Variants in VPS35L observed in about 807,000 individuals in gnomAD.
The protein encoded by VPS35L is VPS35 endosomal protein-sorting factor-like.
In VPS35L, 83 loss-of-function variants were observed where a neutral mutation model predicts 133.0. The ratio of observed to expected loss-of-function variants is 0.62; its 90% CI spans 0.52 to 0.75. VPS35L has a LOEUF of 0.75. VPS35L is among the 30% of genes least tolerant of loss of function. The pLI is 0.00. For synonymous variants in VPS35L, 423 were observed against 449.9 expected (o/e 0.94, Z 0.76); for missense variants, 1,083 against 1,206.8 (o/e 0.90, Z 1.52).
chr16:19,643,391 GCAGCTCTT>G lies in VPS35L; in HGVS notation c.1865+917_1865+924del, dbSNP rs1973844489. ...AGACAGACCAGAAGGTAGGGGTAGGGCAGCTCTTCTTTCAAACATCATCCAGGGACCCA... is the reference window on the plus strand; with the variant it reads ...AGACAGACCAGAAGGTAGGGGTAGGGCTTTCAAACATCATCCAGGGACCCA... On this transcript the variant is annotated intron_variant, in intron 22 of 30. Coordinates refer to ENST00000417362, the MANE Select transcript of VPS35L (RefSeq NM_020314.7). Among the ~76,000 whole-genome samples the G allele has an allele frequency of 3.3e-5, 5 of 152,286 alleles. No individual in the cohort carries two copies. The South Asian group carries it at 1.0e-3, about 32-fold the overall frequency.
Position 19,623,770 on chromosome 16 carries a change from TTA to T in VPS35L, c.1225-2405_1225-2404del, listed in dbSNP as rs869174912. ...TTTTTACTTTTTACTTATTTATTTA[TTA>T]TTATTATTATTATTATTATTATTAT... On this transcript the variant is annotated intron_variant, in intron 14 of 30. Transcript: ENST00000417362. 7.5e-3 allele frequency among the ~76,000 whole-genome samples: 233 copies of T among 30,922 alleles called. 1 individual carries two copies. The highest frequency in any genetic ancestry group is 0.045 in the East Asian group (33 of 726). The allele number at this position is 30,922 out of a possible 152,430, so 20.3% of individuals were successfully genotyped here. A position where few individuals can be genotyped will look rare whatever the true frequency, so the allele number is the denominator to read the frequency against.
intron 1 of VPS35L, among the ~76,000 whole-genome samples, chr16:19,557,827 G>T (rs1041056770): frequency 1.3e-5 from 2 of 152,002 alleles, no homozygotes. Flanking sequence ...GAGGCAGGCG[G>T]ACCACCTGAG....
intron 26 of VPS35L, among the ~76,000 whole-genome samples, chr16:19,666,873 TTTCTTTC>T (rs1974681129): frequency 1.2e-5 from 1 of 80,372 alleles, no homozygotes; most frequent in Admixed American, 1.5e-4. Context: ...GGGCCATGTT[TTTCTTTC>T]TTTCTTTCTT....
intron 9 of VPS35L, among the ~76,000 whole-genome samples, chr16:19,606,173 C>A (rs1972532722): frequency 2.6e-5 from 4 of 152,202 alleles, no homozygotes. Flanking sequence ...TTTCAGGCAA[C>A]CTGAACCAGT....
At chr16:19,612,598 T>C (rs1972759290) in intron 12 of VPS35L, among the ~76,000 whole-genome samples, 1 of 152,166 alleles carries the variant, frequency 6.6e-6, no homozygotes, top group East Asian at 1.9e-4. Flanking sequence ...TTGTAGAACA[T>C]AGCAAATGCT....
At chr16:19,564,812 C>A (rs554913587) in intron 1 of VPS35L, 39 bp from the exon 2 acceptor site, 2 of 1,418,012 alleles carry the variant, frequency 1.4e-6, no homozygotes, top group Admixed American at 1.7e-5. Flanking sequence ...GTTTTAAGTA[C>A]CCCCATCCAC....
intron 1 of VPS35L, among the ~76,000 whole-genome samples, chr16:19,559,924 G>T (rs892138806): frequency 6.6e-6 from 1 of 152,112 alleles, no homozygotes; most frequent in Non-Finnish European, 1.5e-5. Context: ...CTGACCTCAG[G>T]TGACCCACCC....
At chr16:19,684,736 T>G (rs1975398187) in intron 28 of VPS35L, among the ~76,000 whole-genome samples, 2 of 152,204 alleles carry the variant, frequency 1.3e-5, no homozygotes, top group South Asian at 4.1e-4. Context: ...TGGTGGGACG[T>G]GCATTACACT....
At chr16:19,634,417 C>CAA (rs57823383) in intron 19 of VPS35L, among the ~76,000 whole-genome samples, 14 of 104,784 alleles carry the variant, frequency 1.3e-4, no homozygotes, top group African/African-American at 2.7e-4. Flanking sequence ...GACACGGTCT[C>CAA]AAAAAAAAAA....
At chr16:19,584,661 G>A (rs1198303291) in intron 7 of VPS35L, among the ~76,000 whole-genome samples, 1 of 148,570 alleles carries the variant, frequency 6.7e-6, no homozygotes, top group East Asian at 2.0e-4. Flanking sequence ...CCTTTTCTCT[G>A]TATTCTTATC....
At chr16:19,640,317 G>C (rs1973749839) in intron 21 of VPS35L, among the ~76,000 whole-genome samples, 1 of 151,754 alleles carries the variant, frequency 6.6e-6, no homozygotes, top group South Asian at 2.1e-4. Context: ...CATGAGCCTG[G>C]CCAGAAAACC....
At chr16:19,648,012 G>A in intron 24 of VPS35L, 130 bp downstream of exon 24, 2 of 803,400 alleles carry the variant, frequency 2.5e-6, no homozygotes, top group South Asian at 3.3e-5. Flanking sequence ...AGAGTGCAGT[G>A]GCGCAATCAT....
intron 14 of VPS35L, among the ~76,000 whole-genome samples, chr16:19,620,828 G>A (rs9926554): frequency 0.02 from 3,079 of 152,194 alleles, 120 homozygotes; most frequent in African/African-American, 0.071. Context: ...GCATGCGCCT[G>A]TAATCCCAGC....
At chr16:19,641,314 G>A (rs1316638989) in intron 21 of VPS35L, among the ~76,000 whole-genome samples, 9 of 151,498 alleles carry the variant, frequency 5.9e-5, no homozygotes, top group Non-Finnish European at 8.8e-5. Flanking sequence ...TGATCCACCC[G>A]CCTCGGCCTC....
chr16:19,613,685 AC>A (rs1972797529), intron 12 of VPS35L, among the ~76,000 whole-genome samples: 1 of 151,740 alleles, frequency 6.6e-6, no homozygotes, highest in African/African-American at 2.4e-5. Flanking sequence ...TTGTTTGTCC[AC>A]CCCTAGACTA....
intron 8 of VPS35L, among the ~76,000 whole-genome samples, chr16:19,594,588 G>A (rs1972142541): frequency 7.4e-6 from 1 of 134,254 alleles, no homozygotes. Flanking sequence ...AAGTTGCAGC[G>A]AGCTGAGATC....
At chr16:19,687,213 G>C (rs943386747) in intron 28 of VPS35L, among the ~76,000 whole-genome samples, 1 of 152,152 alleles carries the variant, frequency 6.6e-6, no homozygotes, top group African/African-American at 2.4e-5. Flanking sequence ...CTGGCCCCTT[G>C]GGGTGGTTGG....
intron 29 of VPS35L, among the ~76,000 whole-genome samples, chr16:19,698,040 TCTCA>T (rs1975976695): frequency 6.6e-6 from 1 of 152,210 alleles, no homozygotes. Context: ...CCATTTTTGA[TCTCA>T]CTGTTTGGTA....
chr16:19,647,712 A>G, intron 23 of VPS35L, 72 bp from the exon 24 acceptor site: 1 of 1,143,118 alleles, frequency 8.7e-7, no homozygotes, highest in South Asian at 1.2e-5. Context: ...ATAATATTTC[A>G]GTCATACCAT....
Sources: gnomAD v4.1 joint callset for allele counts (sites outside exome capture counted in the v4.1 genomes callset) on GRCh38, gnomAD v4.1.1 for gene constraint, MANE v1.5 for transcripts, NCBI Gene and HGNC (gene_info 2026-07-23, HGNC 2026-07-21) for gene names.